The following MYH9 variants were observed in gnomAD, a reference collection of about 807,000 sequenced individuals.
The protein encoded by MYH9 is myosin heavy chain 9.
A neutral mutation model predicts 241.9 loss-of-function variants in MYH9; 29 were observed. That is an observed-to-expected ratio of 0.12 (90% CI 0.09 to 0.16). The LOEUF is 0.16. Ranked by LOEUF, MYH9 falls within the 10% of genes least tolerant of loss-of-function variation. The pLI, the probability that MYH9 is intolerant of heterozygous loss-of-function variation, is 1.00. For missense variants in MYH9, 1,803 were observed against 2,595.5 expected (o/e 0.69, Z 6.63); for synonymous variants, 1,047 against 1,062.6 (o/e 0.99, Z 0.29).
chr22:36,294,802 A>AG (rs1339400486), intron 27 of MYH9, 130 bp downstream of exon 27: 1 of 1,260,974 alleles, frequency 7.9e-7, no homozygotes, highest in Non-Finnish European at 1.1e-6. Flanking sequence ...GCCCCTTAGA[A>AG]GGGGAGCCTG....
chr22:36,353,375 T>C (rs1429142549), intron 1 of MYH9, among the ~76,000 whole-genome samples: 1 of 152,154 alleles, frequency 6.6e-6, no homozygotes, highest in Non-Finnish European at 1.5e-5. Context: ...AAACTTTTTT[T>C]TTTGAGACAG....
chr22:36,285,478 C>A lies in MYH9; in HGVS notation c.5275-149G>T. The stretch of plus-strand genomic sequence containing the variant: ...CCAGAAAAGGGAAGATTAGAAACTT[C>A]TGAACACCCAACACAGAAGCCAGAG... On this transcript the variant is annotated intron_variant, in intron 37 of 40. Coordinates refer to ENST00000216181, the MANE Select transcript of MYH9 (RefSeq NM_002473.6). The surrounding 1 kb of genome is among the most constrained non-coding windows in gnomAD (Gnocchi z 7.0). The A allele has an allele frequency of 2.3e-6, 3 of 1,315,764 alleles. No homozygotes were observed. In the South Asian group the frequency reaches 3.7e-5, roughly 16 times the overall value. 81.5% of individuals were successfully genotyped at this position (1,315,764 alleles called of 1,614,324 possible). A position where few individuals can be genotyped will look rare whatever the true frequency, so the allele number is the denominator to read the frequency against.
chr22:36,293,522 G>T lies in MYH9; in HGVS notation c.3943-41C>A. The T allele has an allele frequency of 6.2e-7, 1 of 1,608,980 alleles. No individual in the cohort carries two copies. The highest frequency in any genetic ancestry group is 8.5e-7 in the Non-Finnish European group (1 of 1,179,878). ...GAGGGGTGCGGGTGCTTAGGAGGGT[G>T]GTGTCCAAAACCCAGGAACCCCACA... On this transcript the variant is annotated intron_variant, in intron 29 of 40. Transcript: ENST00000216181. This position sits in a 1 kb window ranked among gnomAD's most constrained non-coding sequence, Gnocchi z 5.1.
chr22:36,380,278 G>A (rs1176193411), intron 1 of MYH9, among the ~76,000 whole-genome samples: 1 of 152,230 alleles, frequency 6.6e-6, no homozygotes, highest in Non-Finnish European at 1.5e-5. Flanking sequence ...TCCTTGAGAA[G>A]GGGGGTAGGG....
In MYH9 at chr22:36,306,268, G is replaced by A. The variant is rs558274742; in HGVS notation, c.2037+146C>T. The A allele has an allele frequency of 2.0e-4, 254 of 1,277,442 alleles. No homozygotes were observed. Among genetic ancestry groups the A allele is most frequent in the Non-Finnish European group, 2.7e-4 (246 of 909,326 alleles). The allele number at this position is 1,277,442 out of a possible 1,614,324, so 79.1% of individuals were successfully genotyped here. A position where few individuals can be genotyped will look rare whatever the true frequency, so the allele number is the denominator to read the frequency against. On this transcript the variant is annotated intron_variant, in intron 16 of 40. Transcript: ENST00000216181. The surrounding 1 kb of genome is among the most constrained non-coding windows in gnomAD (Gnocchi z 4.1). ...TGTGAATGTAGCGTATCTCCTAAGC[G>A]AGCCAAGGCCCACCCTGCAGAGAAA...
rs1166548785 is a variant in MYH9 at position 36,368,845 on chromosome 22, AGCCT to A, written c.-20+18958_-20+18961del. 2.1e-5 allele frequency among the ~76,000 whole-genome samples: 3 copies of A among 145,922 alleles called. No individual in the cohort carries two copies. The Admixed American group carries it at 2.1e-4, about 10-fold the overall frequency. ...CTGCAAAGCCCGGAAGAGCCTGCGA[AGCCT>A]GCCCCGTCCGCGATAGAGCATCACA... On this transcript the variant is annotated intron_variant, in intron 1 of 40. Coordinates refer to ENST00000216181, the MANE Select transcript of MYH9 (RefSeq NM_002473.6).
intron 24 of MYH9, among the ~76,000 whole-genome samples, chr22:36,297,498 C>T (rs1274534005): frequency 6.6e-6 from 1 of 152,190 alleles, no homozygotes; most frequent in East Asian, 1.9e-4. Context: ...AGACAGCCTA[C>T]TTCATTAGGA....
chr22:36,295,165 G>A lies in MYH9; in HGVS notation c.3486-89C>T. ...TCTTCCCTGACCAAAGAGAGGCCTG[G>A]CCAGGGCACAGGCACTCCAGGCAGC... On this transcript the variant is annotated intron_variant, in intron 26 of 40. Transcript: ENST00000216181. This position sits in a 1 kb window ranked among gnomAD's most constrained non-coding sequence, Gnocchi z 4.1. The A allele has an allele frequency of 6.3e-7, 1 of 1,580,554 alleles. No homozygotes were observed. The highest frequency in any genetic ancestry group is 8.7e-7 in the Non-Finnish European group (1 of 1,153,580).
At chr22:36,322,775 C>T (rs1437091685) in intron 5 of MYH9, among the ~76,000 whole-genome samples, 1 of 152,234 alleles carries the variant, frequency 6.6e-6, no homozygotes, top group Non-Finnish European at 1.5e-5. Flanking sequence ...AAACGGCAGG[C>T]AGGAAGCTCC....
chr22:36,357,620 C>A (rs1005746322), intron 1 of MYH9, among the ~76,000 whole-genome samples: 1 of 152,252 alleles, frequency 6.6e-6, no homozygotes, highest in Admixed American at 6.5e-5. Context: ...TGAAGGGGTT[C>A]GTGTGAACAA....
At chr22:36,291,220 G>A (rs962621156) in intron 31 of MYH9, among the ~76,000 whole-genome samples, 3 of 152,162 alleles carry the variant, frequency 2.0e-5, no homozygotes, top group South Asian at 2.1e-4. Flanking sequence ...TGACAATGGC[G>A]GTTTTGTGGA....
chr22:36,326,781 T>C, intron 4 of MYH9, 120 bp from the exon 5 acceptor site: 1 of 831,032 alleles, frequency 1.2e-6, no homozygotes, highest in Non-Finnish European at 2.0e-6. Flanking sequence ...GGACCCAACG[T>C]GTGGCAGAAA....
intron 1 of MYH9, among the ~76,000 whole-genome samples, chr22:36,380,438 A>G (rs2018238801): frequency 6.6e-6 from 1 of 152,190 alleles, no homozygotes; most frequent in African/African-American, 2.4e-5. Flanking sequence ...AATGACCCCA[A>G]GTTAAAAAAG....
rs532695589 is a variant in MYH9 at position 36,329,503 on chromosome 22, T to C, written c.491-2015A>G. 5.9e-5 allele frequency among the ~76,000 whole-genome samples: 9 copies of C among 152,300 alleles called. No individual in the cohort carries two copies. The East Asian group carries it at 1.7e-3, about 29-fold the overall frequency. ...TGCCCTCCCCCACTGCGTCTCCCTG[T>C]GGTCTGCCCCAGCTGTGGGCATGTT... On this transcript the variant is annotated intron_variant, in intron 3 of 40. Coordinates refer to ENST00000216181, the MANE Select transcript of MYH9 (RefSeq NM_002473.6). This position sits in a 1 kb window ranked among gnomAD's most constrained non-coding sequence, Gnocchi z 4.1.
At chr22:36,284,072 C>A (rs555213466) in intron 40 of MYH9, 21 bp downstream of exon 40, 9 of 517,514 alleles carry the variant, frequency 1.7e-5, no homozygotes, top group Non-Finnish European at 3.2e-5. Context: ...GGCAAAGGGG[C>A]GGGTGGGCAG....
Position 36,288,864 on chromosome 22 carries a change from C to T in MYH9, c.4633G>A (p.Glu1545Lys). ...TCTTCGGTGGCCTGCAGCTCGTCCT[C>T]CAGCTCTTCCAGCTGCGTCTTCATC... ...EEMKTQLEELEDELQATEDAK... is the reference protein window; with the variant it reads ...EEMKTQLEELKDELQATEDAK... Residue 1545 changes from glutamate (E) to lysine (K), a missense_variant, in exon 33 of 41, where the codon GAG becomes AAG. Glu to Lys is a moderately conservative substitution (Grantham distance 56, BLOSUM62 1). Around this residue, in one of 11 missense-constraint regions of MYH9, gnomAD observed 876 missense variants for 1,077.8 expected, o/e 0.81. Transcript: ENST00000216181. The surrounding 1 kb of genome is among the most constrained non-coding windows in gnomAD (Gnocchi z 4.8). The T allele has an allele frequency of 2.5e-6, 4 of 1,614,068 alleles. No homozygotes were observed. The highest frequency in any genetic ancestry group is 4.5e-5 in the East Asian group (2 of 44,878).
chr22:36,380,862 T>C (rs900772624), intron 1 of MYH9, among the ~76,000 whole-genome samples: 1 of 152,182 alleles, frequency 6.6e-6, no homozygotes, highest in Non-Finnish European at 1.5e-5. Flanking sequence ...GCCAAGCGAA[T>C]TATGGAAACC....
At chr22:36,304,324 C>A (rs2016935669) in intron 18 of MYH9, among the ~76,000 whole-genome samples, 169 bp from the exon 19 acceptor site, 1 of 152,246 alleles carries the variant, frequency 6.6e-6, no homozygotes, top group South Asian at 2.1e-4. Context: ...TGTTCCCTAT[C>A]TCCCCGTCAC....
chr22:36,311,276 AG>A (rs1221086532), intron 14 of MYH9, among the ~76,000 whole-genome samples: 1 of 152,170 alleles, frequency 6.6e-6, no homozygotes, highest in Non-Finnish European at 1.5e-5. Context: ...GATGTCTGCT[AG>A]GTAAGTGTTG....
Sources: gnomAD v4.1 joint callset for allele counts (sites outside exome capture counted in the v4.1 genomes callset) on GRCh38, gnomAD v4.1.1 for gene constraint, gnomAD v4.1.1 regional missense constraint, Gnocchi (gnomAD v3.1) non-coding constraint, MANE v1.5 for transcripts, NCBI Gene and HGNC (gene_info 2026-07-23, HGNC 2026-07-21) for gene names.